ADGRB3: variants seen among roughly 807,000 people sequenced by gnomAD.
ADGRB3 encodes the protein brain-specific angiogenesis inhibitor 3.
Under a neutral mutation model 193.4 loss-of-function variants are expected in ADGRB3, and 37 were observed. The observed-to-expected ratio is 0.19, with a 90% CI of 0.15 to 0.25. ADGRB3 has a LOEUF of 0.25. Ranked by LOEUF, ADGRB3 falls within the 10% of genes least tolerant of loss-of-function variation. ADGRB3 has a pLI of 1.00. For synonymous variants in ADGRB3, 690 were observed against 644.2 expected (o/e 1.07, Z -1.08); for missense variants, 1,637 against 1,852.9 (o/e 0.88, Z 2.14).
intron 3 of ADGRB3, among the ~76,000 whole-genome samples, chr6:68,822,047 G>T (rs2127380565): frequency 6.6e-6 from 1 of 151,992 alleles, no homozygotes; most frequent in East Asian, 1.9e-4. Context: ...GTAGGTAAGA[G>T]TTGGTACAAT....
At chr6:69,079,078 A>G (rs928269168) in intron 17 of ADGRB3, among the ~76,000 whole-genome samples, 1 of 152,102 alleles carries the variant, frequency 6.6e-6, no homozygotes, top group Non-Finnish European at 1.5e-5. Flanking sequence ...CAGCTTGTTA[A>G]ATAGTAAGAT....
intron 8 of ADGRB3, among the ~76,000 whole-genome samples, chr6:68,962,161 G>A (rs1176673284): frequency 2.0e-5 from 3 of 152,118 alleles, no homozygotes; most frequent in Non-Finnish European, 4.4e-5. Flanking sequence ...ATAGTAAAAA[G>A]CAGGAAAATG....
intron 17 of ADGRB3, among the ~76,000 whole-genome samples, chr6:69,146,300 T>A (rs1774491927): frequency 1.3e-5 from 2 of 152,206 alleles, no homozygotes; most frequent in Non-Finnish European, 2.9e-5. Context: ...GTGCCCAGGC[T>A]TGGCTTCAAC....
At chr6:68,805,397 C>T (rs1562036959) in intron 3 of ADGRB3, among the ~76,000 whole-genome samples, 2 of 152,158 alleles carry the variant, frequency 1.3e-5, no homozygotes, top group Non-Finnish European at 2.9e-5. Flanking sequence ...TAGTCCATTA[C>T]TCTTCTCAGT....
At chr6:68,817,309 A>G (rs1421074883) in intron 3 of ADGRB3, among the ~76,000 whole-genome samples, 48 of 3,732 alleles carry the variant, frequency 0.013, no homozygotes, top group East Asian at 0.1. Flanking sequence ...TTGTCCATGT[A>G]TATATATATA....
chr6:68,695,263 C>T (rs1241170672), intron 3 of ADGRB3, among the ~76,000 whole-genome samples: 1 of 151,950 alleles, frequency 6.6e-6, no homozygotes, highest in East Asian at 1.9e-4. Flanking sequence ...TGAAAAATAT[C>T]ATCCAGTCCT....
chr6:69,172,661 AAAAAAAAAAAAG>A lies in ADGRB3; in HGVS notation c.2481-60627_2481-60616del, dbSNP rs1387867529. The stretch of plus-strand genomic sequence containing the variant: ...TCTGTCTCAAAAAAAAAAAAAAAAA[AAAAAAAAAAAAG>A]AGAAATAAAGAAAAAGAAAAGAAAG... On this transcript the variant is annotated intron_variant, in intron 17 of 31. Transcript: ENST00000370598. Among the ~76,000 whole-genome samples, 10 of 147,552 alleles carry A rather than the reference AAAAAAAAAAAAG, an allele frequency of 6.8e-5. 1 individual carries two copies. Among genetic ancestry groups the A allele is most frequent in the South Asian group, 4.3e-4 (2 of 4,696 alleles).
intron 20 of ADGRB3, among the ~76,000 whole-genome samples, chr6:69,261,980 A>T (rs796641788): frequency 4.1e-4 from 63 of 152,192 alleles, no homozygotes; most frequent in African/African-American, 1.5e-3. Flanking sequence ...CATAATCAAC[A>T]TTAGCATGCT....
intron 13 of ADGRB3, among the ~76,000 whole-genome samples, chr6:69,030,575 T>C (rs963457382): frequency 2.0e-5 from 3 of 151,474 alleles, no homozygotes; most frequent in Non-Finnish European, 4.4e-5. Flanking sequence ...TGAGAACACA[T>C]GGACACAGGG....
At chr6:69,256,045 C>T (rs1464164613) in intron 20 of ADGRB3, among the ~76,000 whole-genome samples, 2 of 151,868 alleles carry the variant, frequency 1.3e-5, no homozygotes, top group Non-Finnish European at 2.9e-5. Context: ...GGGCTCTGTT[C>T]TGTTCCATTG....
chr6:68,867,553 A>G (rs1765330765), intron 3 of ADGRB3, among the ~76,000 whole-genome samples: 1 of 152,284 alleles, frequency 6.6e-6, no homozygotes, highest in East Asian at 1.9e-4. Flanking sequence ...TAGTGGAGCT[A>G]TACAAAGAAG....
chr6:69,312,975 C>T (rs1219594110), intron 20 of ADGRB3, among the ~76,000 whole-genome samples: 1 of 151,786 alleles, frequency 6.6e-6, no homozygotes, highest in East Asian at 1.9e-4. Flanking sequence ...TTATTATAAG[C>T]AATTTTTATA....
intron 20 of ADGRB3, among the ~76,000 whole-genome samples, chr6:69,291,292 T>C (rs903503520): frequency 6.6e-6 from 1 of 152,172 alleles, no homozygotes; most frequent in African/African-American, 2.4e-5. Context: ...GCATGTACTA[T>C]ATGACAGCCA....
At chr6:68,825,807 G>T (rs1169396261) in intron 3 of ADGRB3, among the ~76,000 whole-genome samples, 1 of 152,204 alleles carries the variant, frequency 6.6e-6, no homozygotes, top group East Asian at 1.9e-4. Flanking sequence ...TTTCCGCAAT[G>T]ATTGTAAGTT....
intron 3 of ADGRB3, among the ~76,000 whole-genome samples, chr6:68,765,419 C>T (rs1766489450): frequency 6.6e-6 from 1 of 151,954 alleles, no homozygotes; most frequent in South Asian, 2.1e-4. Flanking sequence ...GACATTTTAT[C>T]CGCCTATTAA....
chr6:68,898,454 A>G (rs926879528), intron 3 of ADGRB3, among the ~76,000 whole-genome samples: 2 of 152,166 alleles, frequency 1.3e-5, no homozygotes, highest in African/African-American at 4.8e-5. Flanking sequence ...TGTTTCGCCA[A>G]CTATCTGAGT....
chr6:68,697,969 C>G (rs1441343276), intron 3 of ADGRB3, among the ~76,000 whole-genome samples: 1 of 150,988 alleles, frequency 6.6e-6, no homozygotes, highest in Non-Finnish European at 1.5e-5. Flanking sequence ...TTGTAAGGAT[C>G]AAATGGACAT....
At chr6:69,243,580 T>C (rs903550980) in intron 20 of ADGRB3, among the ~76,000 whole-genome samples, 1 of 152,036 alleles carries the variant, frequency 6.6e-6, no homozygotes, top group Non-Finnish European at 1.5e-5. Context: ...TTAACTGTTT[T>C]AGCCAATACA....
chr6:68,867,097 A>G (rs555778885), intron 3 of ADGRB3, among the ~76,000 whole-genome samples: 17 of 152,202 alleles, frequency 1.1e-4, no homozygotes, highest in Non-Finnish European at 5.9e-5. Flanking sequence ...TGTTAAGACA[A>G]TGGGAAAAAT....
Sources: gnomAD v4.1 joint callset for allele counts (sites outside exome capture counted in the v4.1 genomes callset) on GRCh38, gnomAD v4.1.1 for gene constraint, MANE v1.5 for transcripts, NCBI Gene and HGNC (gene_info 2026-07-23, HGNC 2026-07-21) for gene names.